MDH2: variants seen among roughly 807,000 people sequenced by gnomAD.
MDH2 encodes the protein malate dehydrogenase, mitochondrial.
MDH2 carries 25 observed loss-of-function variants against 33.6 expected under a neutral mutation model. The ratio of observed to expected loss-of-function variants is 0.74; its 90% CI spans 0.54 to 1.04. The LOEUF is 1.04. Among genes scored for constraint, MDH2 ranks in the 50% least tolerant of loss-of-function variants. MDH2 has a pLI of 0.00. For synonymous variants in MDH2, 193 were observed against 188.7 expected (o/e 1.02, Z -0.19); for missense variants, 432 against 445.0 (o/e 0.97, Z 0.26).
intron 4 of MDH2, among the ~76,000 whole-genome samples, chr7:76,059,535 T>G (rs1428897869): frequency 6.6e-6 from 1 of 152,218 alleles, no homozygotes; most frequent in Non-Finnish European, 1.5e-5. Context: ...GCGGCCATGG[T>G]TCCCCAGCTT....
intron 1 of MDH2, among the ~76,000 whole-genome samples, chr7:76,051,467 A>G (rs1032610302): frequency 6.6e-6 from 1 of 151,808 alleles, no homozygotes; most frequent in African/African-American, 2.4e-5. Flanking sequence ...GATTACAGGC[A>G]TGCGCCACCA....
intron 8 of MDH2, 74 bp from the exon 9 acceptor site, chr7:76,066,205 G>A: frequency 1.3e-6 from 2 of 1,556,292 alleles, no homozygotes; most frequent in Non-Finnish European, 1.7e-6. Context: ...AGGGCTGATG[G>A]AGCGACAGGT....
At position 76,067,436 on chromosome 7, in the gene MDH2, C is replaced by CAATT. The variant is rs1251233791; in HGVS notation, c.*1030_*1033dup. The CAATT allele has an allele frequency of 6.6e-6, 1 of 152,128 alleles. No homozygotes were observed. The highest frequency in any genetic ancestry group is 2.4e-5 in the African/African-American group (1 of 41,418). 9.4% of individuals were successfully genotyped at this position (152,128 alleles called of 1,614,324 possible). A position where few individuals can be genotyped will look rare whatever the true frequency, so the allele number is the denominator to read the frequency against. On this transcript the variant is annotated 3_prime_UTR_variant, in exon 9 of 9. Transcript: ENST00000315758. ...TAAAGGATGACATCGTTTTCTTCTACAATTAATACATGTTCATTGTATAAA... is the reference window on the plus strand; with the variant it reads ...TAAAGGATGACATCGTTTTCTTCTACAATTAATTAATACATGTTCATTGTATAAA...
intron 1 of MDH2, chr7:76,049,031 C>G (rs1797487589): frequency 7.3e-6 from 7 of 960,900 alleles, no homozygotes; most frequent in Non-Finnish European, 8.6e-6. Flanking sequence ...CTAATTAAAC[C>G]TAATTTTGAG....
Position 76,058,216 on chromosome 7 carries a change from T to C in MDH2, c.429+138T>C, listed in dbSNP as rs1180896994. ...GGATACACAGATGAAGGGGCTGAAA[T>C]GGAGAGGTCGGGTGCACTAAGCAGA... On this transcript the variant is annotated intron_variant, in intron 4 of 8. Coordinates refer to ENST00000315758, the MANE Select transcript of MDH2 (RefSeq NM_005918.4). 9.1e-6 allele frequency: 7 copies of C among 767,882 alleles called. No individual in the cohort carries two copies. In the Admixed American group the frequency reaches 1.4e-4, roughly 16 times the overall value. 47.6% of individuals were successfully genotyped at this position (767,882 alleles called of 1,614,324 possible). A position where few individuals can be genotyped will look rare whatever the true frequency, so the allele number is the denominator to read the frequency against.
chr7:76,063,807 A>G (rs1798017724), intron 6 of MDH2, among the ~76,000 whole-genome samples: 1 of 152,172 alleles, frequency 6.6e-6, no homozygotes, highest in African/African-American at 2.4e-5. Flanking sequence ...TCCAGCACGC[A>G]AGGAGAACCA....
Position 76,066,562 on chromosome 7 carries a change from C to T in MDH2, c.*152C>T, listed in dbSNP as rs1185017924. ...TCCAAATTGTGGGTGGCTCTGTGGG[C>T]GCATCAATAAAAGCCGTCCTTGATT... On this transcript the variant is annotated 3_prime_UTR_variant, in exon 9 of 9. Coordinates refer to ENST00000315758, the MANE Select transcript of MDH2 (RefSeq NM_005918.4). 13 of 917,406 alleles carry T rather than the reference C, an allele frequency of 1.4e-5. No homozygotes were observed. Among genetic ancestry groups the T allele is most frequent in the East Asian group, 3.1e-5 (1 of 32,508 alleles). 56.8% of individuals were successfully genotyped at this position (917,406 alleles called of 1,614,324 possible). A position where few individuals can be genotyped will look rare whatever the true frequency, so the allele number is the denominator to read the frequency against.
rs1332606708 is a variant in MDH2, at chr7:76,048,211, C to G, written c.51C>G (p.Phe17Leu). The stretch of plus-strand genomic sequence containing the variant: ...CCAGCGCTGCTCTCCGCCGCAGCTT[C>G]AGCACCTCGGCCCAGGTAGGCCAGA... ...RPASAALRRS[F>L]STSAQNNAKV... The change falls in exon 1 of 9, where the codon TTC becomes TTG. Residue 17 changes from phenylalanine (F) to leucine (L), a missense_variant. Physicochemically the swap from Phe to Leu is conservative, Grantham distance 22 (BLOSUM62 0). Coordinates refer to ENST00000315758, the MANE Select transcript of MDH2 (RefSeq NM_005918.4). The G allele has an allele frequency of 2.6e-6, 4 of 1,535,802 alleles. No homozygotes were observed. The highest frequency in any genetic ancestry group is 3.5e-6 in the Non-Finnish European group (4 of 1,146,728).
intron 1 of MDH2, chr7:76,048,916 T>C: frequency 1.0e-6 from 1 of 1,000,308 alleles, no homozygotes; most frequent in Non-Finnish European, 1.2e-6. Context: ...CTCTGCAGTG[T>C]GTCAGAATCA....
chr7:76,057,600 AAT>A, intron 3 of MDH2, 107 bp downstream of exon 3: 2 of 1,115,490 alleles, frequency 1.8e-6, no homozygotes, highest in Non-Finnish European at 2.6e-6. Flanking sequence ...TTGTAGGAAA[AAT>A]GTCACCAGCT....
At chr7:76,049,987 G>C (rs905701740) in intron 1 of MDH2, among the ~76,000 whole-genome samples, 14 of 151,990 alleles carry the variant, frequency 9.2e-5, no homozygotes, top group Non-Finnish European at 2.9e-5. Context: ...GCGCACCACC[G>C]TGCCCAGCTA....
chr7:76,062,261 G>A (rs1797976259), intron 5 of MDH2, among the ~76,000 whole-genome samples: 2 of 152,206 alleles, frequency 1.3e-5, no homozygotes, highest in South Asian at 4.1e-4. Flanking sequence ...CCCGTTTGCT[G>A]CAAAGTCGCC....
intron 1 of MDH2, among the ~76,000 whole-genome samples, chr7:76,054,346 G>A (rs778676119): frequency 2.0e-5 from 3 of 152,154 alleles, no homozygotes; most frequent in East Asian, 1.9e-4. Context: ...GTTGATTGCC[G>A]CAACCCCATC....
chr7:76,054,816 G>T lies in MDH2; in HGVS notation c.67-14G>T, dbSNP rs1554585942. 6.2e-7 allele frequency: 1 copy of T among 1,613,978 alleles called. No individual in the cohort carries two copies. On this transcript the variant is annotated splice_polypyrimidine_tract_variant and intron_variant, in intron 1 of 8. Transcript: ENST00000315758. ...ATTTCCTCCTAAGAGTCCTTTCTCT[G>T]TGCCTCTTTTTAGAACAATGCTAAA...
intron 4 of MDH2, among the ~76,000 whole-genome samples, chr7:76,060,013 C>T (rs1448145585): frequency 6.6e-5 from 10 of 152,190 alleles, no homozygotes; most frequent in Admixed American, 5.9e-4. Flanking sequence ...GGACCTGCTT[C>T]CTTGGAGCAC....
chr7:76,060,665 C>G (rs988931868), intron 5 of MDH2, among the ~76,000 whole-genome samples, 167 bp downstream of exon 5: 3 of 152,018 alleles, frequency 2.0e-5, no homozygotes, highest in South Asian at 4.2e-4. Flanking sequence ...CCCTGTGTTT[C>G]CTGTGGGTTC....
At chr7:76,059,193 C>G (rs554551012) in intron 4 of MDH2, among the ~76,000 whole-genome samples, 5 of 152,242 alleles carry the variant, frequency 3.3e-5, no homozygotes, top group Admixed American at 2.6e-4. Flanking sequence ...ATCCTCCCGC[C>G]TCACTCTCCC....
chr7:76,057,651 G>T (rs1167177347), intron 3 of MDH2, among the ~76,000 whole-genome samples, 158 bp downstream of exon 3: 1 of 152,066 alleles, frequency 6.6e-6, no homozygotes, highest in Non-Finnish European at 1.5e-5. Flanking sequence ...CTCTTTGTTG[G>T]CCTGGGATCA....
In MDH2 at chr7:76,064,930, T is replaced by C; in HGVS notation, c.862T>C (p.Phe288Leu). ...GTCACAGGAAACGGAATGTACCTAC[T>C]TCTCCACACCGCTGCTGCTTGGGGT... Reference protein sequence around the residue: ...VKSQETECTYFSTPLLLGKKG... With the variant: ...VKSQETECTYLSTPLLLGKKG... The change falls in exon 8 of 9, where the codon TTC becomes CTC. Residue 288 changes from phenylalanine to leucine, a missense_variant. Phe to Leu is a conservative substitution (Grantham distance 22). Transcript: ENST00000315758. The C allele has an allele frequency of 1.2e-6, 2 of 1,614,180 alleles. No individual in the cohort carries two copies. The highest frequency in any genetic ancestry group is 1.7e-6 in the Non-Finnish European group (2 of 1,180,032).
Sources: gnomAD v4.1 joint callset for allele counts (sites outside exome capture counted in the v4.1 genomes callset) on GRCh38, gnomAD v4.1.1 for gene constraint, MANE v1.5 for transcripts, NCBI Gene and HGNC (gene_info 2026-07-23, HGNC 2026-07-21) for gene names.